Variants in LRRIQ3 observed in about 807,000 individuals in gnomAD.
LRRIQ3 encodes leucine-rich repeat and IQ domain-containing protein 3.
Under a neutral mutation model 59.3 loss-of-function variants are expected in LRRIQ3, and 75 were observed. The ratio of observed to expected loss-of-function variants is 1.26; its 90% CI spans 1.05 to 1.53. LRRIQ3 has a LOEUF of 1.53. Ranked by LOEUF, LRRIQ3 falls within the 40% of genes most tolerant of loss-of-function variation. LRRIQ3 has a pLI of 0.00. For missense variants in LRRIQ3, 831 were observed against 710.0 expected (o/e 1.17, Z -1.94); for synonymous variants, 250 against 231.3 (o/e 1.08, Z -0.73).
At position 74,183,459 on chromosome 1, in the gene LRRIQ3, T is replaced by G. The variant is rs1015353969; in HGVS notation, c.226A>C (p.Lys76Gln). ...ACCTGATTTCCATGGAGATCAAGTT[T>G]GATTAATTTTATACAACTTTGAAGT... ...HPLQSCIKLI[K>Q]LDLHGNQIKS... The change falls in exon 2 of 8, where the codon AAA becomes CAA. Residue 76 changes from lysine (K) to glutamine (Q), a missense_variant. By Grantham distance (53) the Lys-to-Gln change is moderately conservative. Coordinates refer to ENST00000354431, the MANE Select transcript of LRRIQ3 (RefSeq NM_001105659.2). The G allele has an allele frequency of 1.9e-6, 3 of 1,590,008 alleles. No homozygotes were observed. Among genetic ancestry groups the G allele is most frequent in the Non-Finnish European group, 2.6e-6 (3 of 1,168,552 alleles).
intron 5 of LRRIQ3, among the ~76,000 whole-genome samples, chr1:74,099,364 T>G (rs1646497147): frequency 6.6e-6 from 1 of 152,118 alleles, no homozygotes; most frequent in African/African-American, 2.4e-5. Flanking sequence ...AGGAAGAAGC[T>G]GAATCCCTGA....
intron 4 of LRRIQ3, among the ~76,000 whole-genome samples, chr1:74,111,030 T>C (rs969325795): frequency 6.6e-6 from 1 of 152,076 alleles, no homozygotes; most frequent in Non-Finnish European, 1.5e-5. Flanking sequence ...TCATTACTTC[T>C]GCTCACTTTC....
intron 4 of LRRIQ3, among the ~76,000 whole-genome samples, chr1:74,128,254 A>G (rs923568476): frequency 1.3e-5 from 2 of 152,006 alleles, no homozygotes; most frequent in African/African-American, 4.8e-5. Context: ...AGATATTGAC[A>G]TCTTTCTCTA....
intron 5 of LRRIQ3, among the ~76,000 whole-genome samples, chr1:74,080,958 G>T (rs928608356): frequency 3.0e-4 from 45 of 151,400 alleles, no homozygotes; most frequent in Middle Eastern, 3.2e-3. Context: ...CATGGAGAAA[G>T]GAGCATGGTT....
At chr1:74,161,720 T>G (rs1354052006) in intron 3 of LRRIQ3, among the ~76,000 whole-genome samples, 5 of 151,908 alleles carry the variant, frequency 3.3e-5, no homozygotes, top group African/African-American at 1.2e-4. Flanking sequence ...CATGAAAAAT[T>G]CCTTCTCATT....
intron 7 of LRRIQ3, among the ~76,000 whole-genome samples, chr1:74,037,675 A>G (rs111798312): frequency 2.0e-5 from 3 of 152,240 alleles, no homozygotes; most frequent in African/African-American, 7.2e-5. Flanking sequence ...ACAACAACAA[A>G]AAACAAGAAC....
At chr1:74,183,000 T>C (rs1650093743) in intron 2 of LRRIQ3, 139 bp from the exon 3 acceptor site, 1 of 509,162 alleles carries the variant, frequency 2.0e-6, no homozygotes. Context: ...AGAGTATTTA[T>C]AATTATCCAA....
chr1:74,061,989 AT>A (rs1654733790), intron 6 of LRRIQ3, among the ~76,000 whole-genome samples: 1 of 152,138 alleles, frequency 6.6e-6, no homozygotes, highest in African/African-American at 2.4e-5. Flanking sequence ...AGCTGAGATC[AT>A]ACCACTGCAC....
chr1:74,138,786 G>A (rs533969941), intron 4 of LRRIQ3, among the ~76,000 whole-genome samples: 1 of 151,950 alleles, frequency 6.6e-6, no homozygotes, highest in African/African-American at 2.4e-5. Context: ...TGGGCTCCAG[G>A]ATGTAACTGG....
chr1:74,100,659 A>G (rs565855221), intron 5 of LRRIQ3, among the ~76,000 whole-genome samples: 50 of 152,302 alleles, frequency 3.3e-4, no homozygotes, highest in Admixed American at 2.4e-3. Flanking sequence ...TTCAAACTAT[A>G]CTACAAGGCT....
intron 5 of LRRIQ3, chr1:74,083,530 T>C (rs1646295093): frequency 6.6e-6 from 1 of 151,742 alleles, no homozygotes; most frequent in Admixed American, 6.6e-5. Flanking sequence ...GCTTTGTAGG[T>C]GAATTTTGTC....
intron 5 of LRRIQ3, among the ~76,000 whole-genome samples, chr1:74,077,547 A>G (rs1646223316): frequency 6.6e-6 from 1 of 151,992 alleles, no homozygotes; most frequent in Admixed American, 6.6e-5. Context: ...AGGGTCAGAA[A>G]TTAAGTAGAC....
chr1:74,192,685 T>A (rs1325371424), intron 1 of LRRIQ3, among the ~76,000 whole-genome samples: 3 of 152,110 alleles, frequency 2.0e-5, no homozygotes, highest in African/African-American at 7.2e-5. Flanking sequence ...TTAATATTTT[T>A]AAAAATTACA....
At chr1:74,073,608 T>C (rs1253408567) in intron 6 of LRRIQ3, among the ~76,000 whole-genome samples, 1 of 40,674 alleles carries the variant, frequency 2.5e-5, no homozygotes, top group African/African-American at 4.6e-5. Context: ...CAGTCCATTC[T>C]TTAAAAAAAA....
chr1:74,113,304 T>C (rs1646729349), intron 4 of LRRIQ3, among the ~76,000 whole-genome samples: 1 of 151,792 alleles, frequency 6.6e-6, no homozygotes, highest in Admixed American at 6.6e-5. Context: ...AGTCCACCAG[T>C]ACAAATAATG....
At chr1:74,183,401 T>A in intron 2 of LRRIQ3, 35 bp downstream of exon 2, 2 of 1,499,084 alleles carry the variant, frequency 1.3e-6, no homozygotes, top group Non-Finnish European at 1.8e-6. Context: ...TGAAATTTCG[T>A]TTATATGCAA....
At chr1:74,108,434 G>A (rs1416843731) in intron 5 of LRRIQ3, among the ~76,000 whole-genome samples, 2 of 151,770 alleles carry the variant, frequency 1.3e-5, no homozygotes, top group Non-Finnish European at 2.9e-5. Flanking sequence ...TGTATCCTAT[G>A]TTTTTATTCA....
chr1:74,058,147 T>C lies in LRRIQ3; in HGVS notation c.998-16214A>G, dbSNP rs113752595. 6.0e-4 allele frequency among the ~76,000 whole-genome samples: 92 copies of C among 152,224 alleles called. 1 individual carries two copies. Among genetic ancestry groups the C allele is most frequent in the Non-Finnish European group, 4.0e-4 (27 of 67,988 alleles). ...TAGGAGCATACATTAGTACAATGACTATGGAAAATAGTATGGAGGTTCTTC... is the reference window on the plus strand; with the variant it reads ...TAGGAGCATACATTAGTACAATGACCATGGAAAATAGTATGGAGGTTCTTC... On this transcript the variant is annotated intron_variant, in intron 6 of 7. Coordinates refer to ENST00000354431, the MANE Select transcript of LRRIQ3 (RefSeq NM_001105659.2).
intron 1 of LRRIQ3, among the ~76,000 whole-genome samples, chr1:74,194,579 AT>A (rs1364231313): frequency 6.6e-6 from 1 of 152,098 alleles, no homozygotes; most frequent in African/African-American, 2.4e-5. Context: ...TCATTTTTCA[AT>A]TTTTATTTTT....
Sources: gnomAD v4.1 joint callset for allele counts (sites outside exome capture counted in the v4.1 genomes callset) on GRCh38, gnomAD v4.1.1 for gene constraint, MANE v1.5 for transcripts, NCBI Gene and HGNC (gene_info 2026-07-23, HGNC 2026-07-21) for gene names.